The following RNF166 variants were observed in gnomAD, a reference collection of about 807,000 sequenced individuals.
RNF166 encodes E3 ubiquitin-protein ligase RNF166.
Under a neutral mutation model 29.4 loss-of-function variants are expected in RNF166, and 19 were observed. The ratio of observed to expected loss-of-function variants is 0.65; its 90% confidence interval spans 0.45 to 0.95. The LOEUF (loss-of-function observed/expected upper bound fraction) is 0.95, where lower values mean the gene tolerates loss of function less well. Ranked by LOEUF, RNF166 falls within the 40% of genes least tolerant of loss-of-function variation. RNF166 has a pLI of 0.00. For missense variants in RNF166, 347 were observed against 322.1 expected, an observed-to-expected ratio of 1.08 and a Z score of -0.59; for synonymous variants, 171 against 134.5, an observed-to-expected ratio of 1.27 and a Z score of -1.88.
intron 1 of RNF166, chr16:88,703,072 C>T: frequency 1.0e-6 from 1 of 985,556 alleles, no homozygotes; most frequent in Non-Finnish European, 1.2e-6. Flanking sequence ...CACCGGAAGG[C>T]CTGGAAAACA....
chr16:88,699,698 G>T lies in RNF166; in HGVS notation c.347C>A (p.Ser116Tyr). Residue 116 changes from serine (S) to tyrosine (Y), a missense_variant, in exon 3 of 6, where the codon TCC (serine) becomes TAC (tyrosine). By Grantham distance (144) the Ser-to-Tyr change is moderately radical. Coordinates refer to ENST00000312838, the MANE Select transcript of RNF166 (RefSeq NM_178841.4). ...TLAKMRVHIS[S>Y]CLKVQEQMAN... is the part of the protein sequence containing the mutation. ...CATCTGCTCCTGGACCTTCAGGCAG[G>T]ACGAAATGTGCACTCTCATCTTTGC... The T allele has an allele frequency of 6.2e-7, 1 of 1,613,342 alleles. No individual in the cohort carries two copies. The highest frequency in any genetic ancestry group is 1.3e-5 in the African/African-American group (1 of 75,062).
chr16:88,705,119 C>T (rs887208195), intron 1 of RNF166, among the ~76,000 whole-genome samples: 2 of 152,226 alleles, frequency 1.3e-5, no homozygotes, highest in Admixed American at 1.3e-4. Flanking sequence ...CGTGGGCAGG[C>T]GCCTGTGCTG....
intron 3 of RNF166, among the ~76,000 whole-genome samples, chr16:88,699,289 C>T (rs988059228): frequency 6.6e-6 from 1 of 152,246 alleles, no homozygotes; most frequent in Non-Finnish European, 1.5e-5. Flanking sequence ...CACAACTAGG[C>T]CAGCCAAACG....
chr16:88,697,373 C>A lies in RNF166; in HGVS notation c.*195G>T, dbSNP rs1026613234. 3 of 498,314 alleles carry A rather than the reference C, an allele frequency of 6.0e-6. No individual in the cohort carries two copies. The highest frequency in any genetic ancestry group is 6.8e-5 in the Admixed American group (2 of 29,224). The allele number at this position is 498,314 out of a possible 1,614,324, so 30.9% of individuals were successfully genotyped here. A position where few individuals can be genotyped will look rare whatever the true frequency, so the allele number is the denominator to read the frequency against. On this transcript the variant is annotated 3_prime_UTR_variant, in exon 6 of 6. Transcript: ENST00000312838. Reference sequence around the variant, plus strand: ...ACCCAGCGACGCCGGTGGGACCAGGCGGCCCTGCTCTGGCGGCCTCGGCGG... The same window carrying A: ...ACCCAGCGACGCCGGTGGGACCAGGAGGCCCTGCTCTGGCGGCCTCGGCGG...
intron 2 of RNF166, chr16:88,701,027 C>T: frequency 7.3e-7 from 1 of 1,374,916 alleles, no homozygotes; most frequent in Middle Eastern, 2.7e-4. Flanking sequence ...CTAGGCGGCT[C>T]TGACAGTGCT....
chr16:88,702,915 C>T (rs1567639296), intron 1 of RNF166: 5 of 985,372 alleles, frequency 5.1e-6, no homozygotes, highest in African/African-American at 1.7e-5. Flanking sequence ...CCTGGGGAGG[C>T]CTCAGGGGAC....
intron 2 of RNF166, 67 bp from the exon 3 acceptor site, chr16:88,699,799 A>G (rs2142638948): frequency 8.7e-7 from 1 of 1,155,254 alleles, no homozygotes; most frequent in Non-Finnish European, 1.3e-6. Flanking sequence ...GGGGAGGCCG[A>G]GACCTCAGGT....
At position 88,706,339 on chromosome 16, in the gene RNF166, C is replaced by CGCGCCG; in HGVS notation, c.-15_-14insCGGCGC. 3 of 1,210,182 alleles carry CGCGCCG rather than the reference C, an allele frequency of 2.5e-6. No individual in the cohort carries two copies. The highest frequency in any genetic ancestry group is 3.1e-6 in the Non-Finnish European group (3 of 973,770). 75.0% of individuals were successfully genotyped at this position (1,210,182 alleles called of 1,614,324 possible). On this transcript the variant is annotated 5_prime_UTR_variant, in exon 1 of 6. Transcript: ENST00000312838. ...GAACATAGCCATCCCGGGGCCAGGC[C>CGCGCCG]CGCGCCGCCCGCCGCCCGCTGTCCT...
chr16:88,701,565 A>G, intron 1 of RNF166, 147 bp from the exon 2 acceptor site: 1 of 758,092 alleles, frequency 1.3e-6, no homozygotes. Context: ...GGAGATGGTC[A>G]CTCCTATGTC....
At chr16:88,703,250 C>T (rs1910446256) in intron 1 of RNF166, 33 of 978,506 alleles carry the variant, frequency 3.4e-5, no homozygotes, top group Non-Finnish European at 3.8e-5. Context: ...AGAATTGCAT[C>T]GATTGTTGCA....
At chr16:88,699,959 G>C (rs1218888600) in intron 2 of RNF166, 1 of 407,952 alleles carries the variant, frequency 2.5e-6, no homozygotes, top group South Asian at 3.9e-5. Context: ...GCCGAGGGCA[G>C]AAACCTGGCT....
chr16:88,703,215 C>A, intron 1 of RNF166: 2 of 978,620 alleles, frequency 2.0e-6, no homozygotes. Context: ...TCCTGGGTTT[C>A]TTTCTGGAGT....
chr16:88,703,425 T>C (rs1910466940), intron 1 of RNF166: 2 of 985,232 alleles, frequency 2.0e-6, no homozygotes, highest in Non-Finnish European at 2.4e-6. Flanking sequence ...CCCAGAAGGT[T>C]GGCTGGGAGG....
At chr16:88,701,726 C>T (rs1910257063) in intron 1 of RNF166, 1 of 330,948 alleles carries the variant, frequency 3.0e-6, no homozygotes, top group East Asian at 4.9e-5. Flanking sequence ...GGCAGGAGGC[C>T]CCAGCTCGGG....
At chr16:88,704,597 G>A (rs1910579618) in intron 1 of RNF166, 1 of 982,776 alleles carries the variant, frequency 1.0e-6, no homozygotes, top group Non-Finnish European at 1.2e-6. Context: ...AAGCCTACGG[G>A]AGGCTTTTCT....
At chr16:88,702,968 C>T in intron 1 of RNF166, 4 of 985,518 alleles carry the variant, frequency 4.1e-6, no homozygotes, top group Non-Finnish European at 4.8e-6. Flanking sequence ...GGAAGCAGCT[C>T]AGGTGCCCGT....
intron 1 of RNF166, 82 bp downstream of exon 1, chr16:88,706,078 TCCGGAGCTGCA>T: frequency 1.2e-6 from 1 of 864,694 alleles, no homozygotes; most frequent in East Asian, 1.1e-4. Context: ...GCGCGCCCAG[TCCGGAGCTGCA>T]CCGGGGCGGC....
intron 1 of RNF166, chr16:88,703,293 T>G (rs1023573588): frequency 1.7e-4 from 172 of 985,128 alleles, no homozygotes; most frequent in Non-Finnish European, 2.0e-4. Context: ...GACTGGATGG[T>G]GCACCTCCTG....
intron 3 of RNF166, among the ~76,000 whole-genome samples, chr16:88,699,353 C>T (rs1909972901): frequency 6.6e-6 from 1 of 152,248 alleles, no homozygotes; most frequent in South Asian, 2.1e-4. Flanking sequence ...GCCCATCCAC[C>T]TGCTGGGAGG....
Sources: gnomAD v4.1 joint callset for allele counts (sites outside exome capture counted in the v4.1 genomes callset) on GRCh38, gnomAD v4.1.1 for gene constraint, MANE v1.5 for transcripts, NCBI Gene and HGNC (gene_info 2026-07-23, HGNC 2026-07-21) for gene names.